PDK1: variants seen among roughly 807,000 people sequenced by gnomAD.
PDK1 encodes the protein [Pyruvate dehydrogenase (acetyl-transferring)] kinase isozyme 1, mitochondrial.
PDK1 carries 39 observed loss-of-function variants against 54.2 expected under a neutral mutation model. That is an observed-to-expected ratio of 0.72 (90% CI 0.56 to 0.94). The LOEUF (loss-of-function observed/expected upper bound fraction) is 0.94. PDK1 is among the 40% of genes least tolerant of loss of function. The pLI is 0.00. For missense variants in PDK1, 552 were observed against 566.0 expected (o/e 0.98, Z 0.25); for synonymous variants, 221 against 207.1 (o/e 1.07, Z -0.58).
At chr2:172,699,195 G>A in the PDK1 span, among the ~76,000 whole-genome samples, 1 of 152,092 alleles carries the variant, frequency 6.6e-6, no homozygotes, top group Non-Finnish European at 1.5e-5. Context: ...ATTTAATTAC[G>A]CTATTTTTTA....
chr2:172,624,940 A>T, the PDK1 span, among the ~76,000 whole-genome samples: 1 of 151,942 alleles, frequency 6.6e-6, no homozygotes, highest in African/African-American at 2.4e-5. Flanking sequence ...GTGAGCCGAG[A>T]TCGCACCATT....
At position 172,602,910 on chromosome 2, in the gene PDK1, A is replaced by G. The variant is rs1328105689; in HGVS notation, c.*6941A>G. On this transcript the variant is annotated 3_prime_UTR_variant, in exon 11 of 11. Coordinates refer to ENST00000282077, the MANE Select transcript of PDK1 (RefSeq NM_002610.5). ...ATTAAGAACCATCAGGTGATGCCTC[A>G]TTTGCTGTGGTGCACAGCTGAACTT... 3 of 152,140 alleles carry G rather than the reference A, an allele frequency of 2.0e-5. No homozygotes were observed. The highest frequency in any genetic ancestry group is 4.4e-5 in the Non-Finnish European group (3 of 68,018). The allele number at this position is 152,140 out of a possible 1,614,324, so 9.4% of individuals were successfully genotyped here. A position where few individuals can be genotyped will look rare whatever the true frequency, so the allele number is the denominator to read the frequency against.
At chr2:172,678,652 T>C in the PDK1 span, among the ~76,000 whole-genome samples, 33,304 of 152,126 alleles carry the variant, frequency 0.22, 4,939 homozygotes, top group African/African-American at 0.42. Context: ...TTACTTCCTA[T>C]ACTATGTATT....
At chr2:172,591,251 GA>G (rs1690561546) in intron 9 of PDK1, among the ~76,000 whole-genome samples, 1 of 152,200 alleles carries the variant, frequency 6.6e-6, no homozygotes, top group Admixed American at 6.5e-5. Context: ...AGAAAGGGGA[GA>G]AGCCATGTTG....
At chr2:172,720,664 A>G in the PDK1 span, among the ~76,000 whole-genome samples, 1 of 152,208 alleles carries the variant, frequency 6.6e-6, no homozygotes, top group Admixed American at 6.5e-5. Flanking sequence ...TCTATTAGTA[A>G]TGGTGTAGGA....
the PDK1 span, among the ~76,000 whole-genome samples, chr2:172,655,359 A>C: frequency 6.6e-6 from 1 of 151,400 alleles, no homozygotes; most frequent in Non-Finnish European, 1.5e-5. Context: ...GGTTTTTATC[A>C]CACATTCATC....
At position 172,592,317 on chromosome 2, in the gene PDK1, TC is replaced by T. The variant is rs372426999; in HGVS notation, c.1057-617del. Among the ~76,000 whole-genome samples, 811 of 152,292 alleles carry T rather than the reference TC, an allele frequency of 5.3e-3. 9 individuals are homozygous for T. The highest frequency in any genetic ancestry group is 0.018 in the African/African-American group (761 of 41,556). The stretch of plus-strand genomic sequence containing the variant: ...CTTCTATCTCTCTTTCTCTTTGACT[TC>T]TTTGCCTCTCTCTTTCTGACTCCTC... On this transcript the variant is annotated intron_variant, in intron 9 of 10. Transcript: ENST00000282077.
chr2:172,610,863 G>A (rs1169986131), downstream of PDK1, among the ~76,000 whole-genome samples: 2 of 152,106 alleles, frequency 1.3e-5, no homozygotes, highest in Non-Finnish European at 1.5e-5. Context: ...CACCCTCCTC[G>A]GCCTCCCATA....
At chr2:172,704,552 A>G in the PDK1 span, among the ~76,000 whole-genome samples, 1 of 152,160 alleles carries the variant, frequency 6.6e-6, no homozygotes, top group African/African-American at 2.4e-5. Flanking sequence ...GGAAGGATCA[A>G]TTTCGACAGG....
At chr2:172,647,384 A>G in the PDK1 span, among the ~76,000 whole-genome samples, 8 of 152,180 alleles carry the variant, frequency 5.3e-5, no homozygotes, top group South Asian at 1.5e-3. Flanking sequence ...CACACTGAGG[A>G]GCATATGCTG....
the PDK1 span, among the ~76,000 whole-genome samples, chr2:172,646,485 T>G: frequency 7.0e-6 from 1 of 142,186 alleles, no homozygotes; most frequent in African/African-American, 2.6e-5. Flanking sequence ...ATGGGAATCT[T>G]TAGATAAACA....
chr2:172,576,195 G>T (rs889227896), intron 8 of PDK1, among the ~76,000 whole-genome samples: 1 of 152,168 alleles, frequency 6.6e-6, no homozygotes, highest in Admixed American at 6.5e-5. Context: ...CAAAGTTCTG[G>T]GATTACAGGC....
chr2:172,660,245 CTCTTTT>C, the PDK1 span, among the ~76,000 whole-genome samples: 1 of 55,660 alleles, frequency 1.8e-5, no homozygotes, highest in Admixed American at 2.4e-4. Flanking sequence ...CTCTCTCTCT[CTCTTTT>C]TTTTTTTTTT....
the PDK1 span, among the ~76,000 whole-genome samples, chr2:172,643,428 C>T: frequency 5.1e-4 from 77 of 152,302 alleles, no homozygotes; most frequent in South Asian, 2.1e-3. Flanking sequence ...GGGGTGTGGC[C>T]GTGAGCCCTG....
the PDK1 span, among the ~76,000 whole-genome samples, chr2:172,667,385 G>T: frequency 2.6e-5 from 4 of 152,172 alleles, no homozygotes; most frequent in Non-Finnish European, 4.4e-5. Context: ...TAGTTGCCTG[G>T]TACCTGGCCC....
At chr2:172,711,865 CAAAAAAA>C in the PDK1 span, among the ~76,000 whole-genome samples, 164 of 22,768 alleles carry the variant, frequency 7.2e-3, no homozygotes, top group South Asian at 0.027. Flanking sequence ...GAACCTAGCT[CAAAAAAA>C]AAAAAAAAAA....
chr2:172,583,115 C>T (rs1297673670), intron 8 of PDK1, among the ~76,000 whole-genome samples: 1 of 152,026 alleles, frequency 6.6e-6, no homozygotes, highest in Non-Finnish European at 1.5e-5. Context: ...ACTTCCTATT[C>T]ATGTTAACTA....
At chr2:172,557,610 C>CGTGTGTGTGTGTGTGTGTGTGT (rs55753852) in intron 1 of PDK1, among the ~76,000 whole-genome samples, 2 of 141,938 alleles carry the variant, frequency 1.4e-5, no homozygotes, top group African/African-American at 5.3e-5. Flanking sequence ...TCTTTTTTCC[C>CGTGTGTGTGTGTGTGTGTGTGT]GTGTGTGTGT....
At chr2:172,612,355 T>TA (rs1200293063), downstream of PDK1, among the ~76,000 whole-genome samples, 3 of 152,252 alleles carry the variant, frequency 2.0e-5, no homozygotes, top group African/African-American at 7.2e-5. Context: ...CTAAGTGAGC[T>TA]AATGTATGTA....
Sources: gnomAD v4.1 joint callset for allele counts (sites outside exome capture counted in the v4.1 genomes callset) on GRCh38, gnomAD v4.1.1 for gene constraint, MANE v1.5 for transcripts, NCBI Gene and HGNC (gene_info 2026-07-23, HGNC 2026-07-21) for gene names.